The following ASB16 variants were observed in gnomAD, a reference collection of about 807,000 sequenced individuals.
ASB16 encodes ankyrin repeat and SOCS box containing 16.
In ASB16, 44 loss-of-function variants were observed where a neutral mutation model predicts 39.1. The observed-to-expected ratio is 1.13, with a 90% CI of 0.88 to 1.45. The LOEUF is 1.45. Among genes scored for constraint, ASB16 ranks in the 40% most tolerant of loss-of-function variants. The pLI, the probability that ASB16 is intolerant of heterozygous loss-of-function variation, is 0.00. For synonymous variants in ASB16, 305 were observed against 286.7 expected (o/e 1.06, Z -0.64); for missense variants, 698 against 634.5 (o/e 1.10, Z -1.07).
chr17:44,178,125 A>G, intron 4 of ASB16, 80 bp from the exon 5 acceptor site: 1 of 1,512,066 alleles, frequency 6.6e-7, no homozygotes. Flanking sequence ...GCATGCTGCA[A>G]AATCCCAGGA....
At chr17:44,172,019 C>A (rs1373227512) in intron 1 of ASB16, 27 bp from the exon 2 acceptor site, 3 of 1,598,682 alleles carry the variant, frequency 1.9e-6, no homozygotes, top group Admixed American at 1.7e-5. Flanking sequence ...TTATACACCA[C>A]CTCCCAAAAC....
In ASB16 at chr17:44,170,925, C is replaced by G; in HGVS notation, c.136C>G (p.Arg46Gly). 6.2e-7 allele frequency: 1 copy of G among 1,613,102 alleles called. No homozygotes were observed. Among genetic ancestry groups the G allele is most frequent in the Non-Finnish European group, 8.5e-7 (1 of 1,179,892 alleles). The change falls in exon 1 of 5, where the codon CGG becomes GGG. Residue 46 changes from arginine to glycine, a missense_variant. Coordinates refer to ENST00000293414, the MANE Select transcript of ASB16 (RefSeq NM_080863.5). ...GAGCCGCAGGTGCCCGTCAAGTCCC[C>G]GGGCCCGACTCACTAGGCCTCACCG... ...CRSRRCPSSPRARLTRPHRSC... is the reference protein window; with the variant it reads ...CRSRRCPSSPGARLTRPHRSC...
rs543287668 is a variant in ASB16 at position 44,177,109 on chromosome 17, A to G, written c.941A>G (p.Asn314Ser). 100 of 1,484,982 alleles carry G rather than the reference A, an allele frequency of 6.7e-5. No homozygotes were observed. Among genetic ancestry groups the G allele is most frequent in the Middle Eastern group, 2.4e-4 (1 of 4,222 alleles). The allele number at this position is 1,484,982 out of a possible 1,614,324, so 92.0% of individuals were successfully genotyped here. The change falls in exon 3 of 5, where the codon AAT becomes AGT. Residue 314 changes from asparagine (N) to serine (S), a missense_variant. Coordinates refer to ENST00000293414, the MANE Select transcript of ASB16 (RefSeq NM_080863.5). The stretch of plus-strand genomic sequence containing the variant: ...TACGGGGCCCGCGCTGAGGTCCCCA[A>G]TGGGGCGGGCCACACGCCCATGGAC... ...LRYGARAEVP[N>S]GAGHTPMDCA...
At position 44,178,706 on chromosome 17, in the gene ASB16, T is replaced by C. The variant is rs1480899391; in HGVS notation, c.*316T>C. ...AGGCTGGTCTCACACTGACCTCAGG[T>C]GATCCACCCGCCTTGGCCTCCCAAA... On this transcript the variant is annotated 3_prime_UTR_variant, in exon 5 of 5. Coordinates refer to ENST00000293414, the MANE Select transcript of ASB16 (RefSeq NM_080863.5). 1 of 347,682 alleles carries C rather than the reference T, an allele frequency of 2.9e-6. No homozygotes were observed. Among genetic ancestry groups the C allele is most frequent in the African/African-American group, 2.1e-5 (1 of 46,536 alleles). 21.5% of individuals were successfully genotyped at this position (347,682 alleles called of 1,614,324 possible).
At position 44,176,151 on chromosome 17, in the gene ASB16, T is replaced by C. The variant is rs1135215; in HGVS notation, c.570-587T>C. The C allele has an allele frequency of 0.37, 56,791 of 154,698 alleles. 11,609 individuals carry two copies. The highest frequency in any genetic ancestry group is 0.71 in the East Asian group (3,625 of 5,128). 9.6% of individuals were successfully genotyped at this position (154,698 alleles called of 1,614,324 possible). On this transcript the variant is annotated intron_variant, in intron 2 of 4. Coordinates refer to ENST00000293414, the MANE Select transcript of ASB16 (RefSeq NM_080863.5). ...AGGAGGCTTGCTTGAGCCCAGGGGT[T>C]TGAGACCAGCTGGGGCAAATGGTAA...
chr17:44,171,204 T>C, intron 1 of ASB16, 114 bp downstream of exon 1: 2 of 1,105,220 alleles, frequency 1.8e-6, no homozygotes, highest in Non-Finnish European at 2.6e-6. Context: ...AGCAGCCCTT[T>C]CCACCACCTA....
In ASB16 at chr17:44,177,159, T is replaced by C; in HGVS notation, c.991T>C (p.Ser331Pro). 2 of 1,524,058 alleles carry C rather than the reference T, an allele frequency of 1.3e-6. No homozygotes were observed. The highest frequency in any genetic ancestry group is 2.3e-4 in the Middle Eastern group (1 of 4,328). 94.4% of individuals were successfully genotyped at this position (1,524,058 alleles called of 1,614,324 possible). ...MDCALQAVQD[S>P]PNWEPEVLFA... is the part of the protein sequence containing the mutation. ...CTGTGCGCTGCAGGCCGTCCAGGAC[T>C]CCCCCAACTGGGAGCCTGAAGTCCT... The change falls in exon 3 of 5, where the codon TCC becomes CCC. Residue 331 changes from serine (S) to proline (P), a missense_variant. Transcript: ENST00000293414.
rs534415178 is a variant in ASB16, at chr17:44,174,060, G to T, written c.569+1747G>T. On this transcript the variant is annotated intron_variant, in intron 2 of 4. Coordinates refer to ENST00000293414, the MANE Select transcript of ASB16 (RefSeq NM_080863.5). Reference sequence around the variant, plus strand: ...CTATTTTTTTTTTTTTTTTTTTTGAGACGGAGTCTTGCTCTGTCTCCCAGG... The same window carrying T: ...CTATTTTTTTTTTTTTTTTTTTTGATACGGAGTCTTGCTCTGTCTCCCAGG... Among the ~76,000 whole-genome samples the T allele has an allele frequency of 5.7e-4, 69 of 120,498 alleles. 2 individuals carry two copies. In the South Asian group the frequency reaches 0.011, roughly 19 times the overall value. 79.1% of individuals were successfully genotyped at this position (120,498 alleles called of 152,430 possible).
rs761936185 is a variant in ASB16, at chr17:44,178,440, C to T, written c.*50C>T. The T allele has an allele frequency of 2.7e-6, 4 of 1,496,668 alleles. No homozygotes were observed. In the Admixed American group the frequency reaches 8.5e-5, roughly 32 times the overall value. The allele number at this position is 1,496,668 out of a possible 1,614,324, so 92.7% of individuals were successfully genotyped here. On this transcript the variant is annotated 3_prime_UTR_variant, in exon 5 of 5. Transcript: ENST00000293414. ...TGTGTTCTGCCCCTCCCACCTGTCC[C>T]CGCCTCCAACTGCGGAGGACCAGTT...
Position 44,177,110 on chromosome 17 carries a change from TG to T in ASB16, c.946del (p.Ala316ArgfsTer41). 1 of 1,484,924 alleles carries T rather than the reference TG, an allele frequency of 6.7e-7. No homozygotes were observed. The allele number at this position is 1,484,924 out of a possible 1,614,324, so 92.0% of individuals were successfully genotyped here. On this transcript the variant is annotated frameshift_variant, in exon 3 of 5. Coordinates refer to ENST00000293414, the MANE Select transcript of ASB16 (RefSeq NM_080863.5). LOFTEE classifies it high-confidence loss of function. ...RYGARAEVPN[G>X]AGHTPMDCAL... Reference sequence around the variant, plus strand: ...ACGGGGCCCGCGCTGAGGTCCCCAATGGGGCGGGCCACACGCCCATGGACTG... The same window carrying T: ...ACGGGGCCCGCGCTGAGGTCCCCAATGGGCGGGCCACACGCCCATGGACTG...
rs778903045 is a variant in ASB16 at position 44,177,662 on chromosome 17, C to CTA, written c.1118_1119dup (p.Pro374IlefsTer33). ...GGGCCCTGGAAGTCCTGCTTAATGC[C>CTA]TATCCTTGTGTCCCATCCTGTGAGA... On this transcript the variant is annotated frameshift_variant, in exon 4 of 5. Transcript: ENST00000293414. LOFTEE classifies it high-confidence loss of function. 9.1e-5 allele frequency: 147 copies of CTA among 1,613,946 alleles called. No individual in the cohort carries two copies. The South Asian group carries it at 1.6e-3, about 17-fold the overall frequency.
rs1181137194 is a variant in ASB16 at position 44,176,854 on chromosome 17, A to C, written c.686A>C (p.Tyr229Ser). The C allele has an allele frequency of 1.2e-6, 2 of 1,610,954 alleles. No individual in the cohort carries two copies. Among genetic ancestry groups the C allele is most frequent in the Non-Finnish European group, 1.7e-6 (2 of 1,178,982 alleles). ...ARGLEQHVAL[Y>S]LEHGADVGLR... is the part of the protein sequence containing the mutation. The stretch of plus-strand genomic sequence containing the variant: ...GGCCTGGAGCAACATGTGGCTCTGT[A>C]CCTGGAGCATGGCGCCGACGTGGGC... The change falls in exon 3 of 5, where the codon TAC (tyrosine) becomes TCC (serine). Residue 229 changes from tyrosine to serine, a missense_variant. Physicochemically the swap from Tyr to Ser is moderately radical, Grantham distance 144 (BLOSUM62 -2). Transcript: ENST00000293414.
chr17:44,174,297 G>A (rs992450823), intron 2 of ASB16, among the ~76,000 whole-genome samples: 4 of 151,784 alleles, frequency 2.6e-5, no homozygotes, highest in Admixed American at 1.3e-4. Context: ...CACCCGCCTC[G>A]GCCTCCCAAA....
rs758929174 is a variant in ASB16 at position 44,172,029 on chromosome 17, CTA to C, written c.302-15_302-14del. On this transcript the variant is annotated splice_polypyrimidine_tract_variant and intron_variant, in intron 1 of 4. Coordinates refer to ENST00000293414, the MANE Select transcript of ASB16 (RefSeq NM_080863.5). ...CTGTCTTATACACCACCTCCCAAAA[CTA>C]TTTGCTCTCCCTAGGGTTCTGGGTG... The C allele has an allele frequency of 1.2e-6, 2 of 1,603,476 alleles. No homozygotes were observed. Among genetic ancestry groups the C allele is most frequent in the Non-Finnish European group, 1.7e-6 (2 of 1,173,072 alleles).
chr17:44,175,181 C>T (rs181748924), intron 2 of ASB16, among the ~76,000 whole-genome samples: 7 of 150,470 alleles, frequency 4.7e-5, no homozygotes, highest in Middle Eastern at 3.5e-3. Flanking sequence ...GGGTGGATCA[C>T]GAGGTCAGGA....
chr17:44,174,826 G>A (rs538178923), intron 2 of ASB16, among the ~76,000 whole-genome samples: 10 of 152,236 alleles, frequency 6.6e-5, no homozygotes, highest in East Asian at 1.9e-4. Context: ...TTTGGAAGCC[G>A]GGCGTGGTGA....
intron 2 of ASB16, among the ~76,000 whole-genome samples, chr17:44,174,971 G>C (rs987987437): frequency 6.6e-6 from 1 of 151,374 alleles, no homozygotes; most frequent in Non-Finnish European, 1.5e-5. Flanking sequence ...GCATGGCAGC[G>C]CATGCCTGCA....
chr17:44,177,937 G>A (rs1224509988), intron 4 of ASB16: 4 of 697,154 alleles, frequency 5.7e-6, no homozygotes, highest in African/African-American at 1.8e-5. Context: ...CATCAGCACA[G>A]ACATTTATCT....
chr17:44,171,165 C>A, intron 1 of ASB16, 75 bp downstream of exon 1: 1 of 1,442,940 alleles, frequency 6.9e-7, no homozygotes, highest in Non-Finnish European at 9.4e-7. Context: ...AGAGTCTAGG[C>A]CCCTCCTTCC....
Sources: gnomAD v4.1 joint callset for allele counts (sites outside exome capture counted in the v4.1 genomes callset) on GRCh38, gnomAD v4.1.1 for gene constraint, MANE v1.5 for transcripts, NCBI Gene and HGNC (gene_info 2026-07-23, HGNC 2026-07-21) for gene names.